The following ME1 variants were observed in gnomAD, a reference collection of about 807,000 sequenced individuals.
ME1 encodes malic enzyme 1.
Under a neutral mutation model 66.4 loss-of-function variants are expected in ME1, and 74 were observed. The observed-to-expected ratio is 1.11, with a 90% CI of 0.92 to 1.35. ME1 has a LOEUF of 1.35. ME1 is among the 40% of genes most tolerant of loss of function. The pLI is 0.00. For missense variants in ME1, 750 were observed against 694.1 expected (o/e 1.08, Z -0.90); for synonymous variants, 251 against 235.6 (o/e 1.07, Z -0.60).
intron 12 of ME1, among the ~76,000 whole-genome samples, chr6:83,222,255 A>C (rs1435148461): frequency 2.6e-5 from 4 of 152,224 alleles, no homozygotes; most frequent in Non-Finnish European, 5.9e-5. Flanking sequence ...AGTTAAAGAA[A>C]ACCTGTGACA....
At chr6:83,411,127 C>G (rs1770041394) in intron 1 of ME1, among the ~76,000 whole-genome samples, 1 of 152,158 alleles carries the variant, frequency 6.6e-6, no homozygotes, top group Admixed American at 6.6e-5. Flanking sequence ...GCCTGTAATC[C>G]CAGCACTTTG....
intron 5 of ME1, among the ~76,000 whole-genome samples, chr6:83,345,153 C>T (rs1768663858): frequency 6.6e-6 from 1 of 152,074 alleles, no homozygotes; most frequent in Non-Finnish European, 1.5e-5. Flanking sequence ...GTACACACCA[C>T]CTCTCCTGGC....
At chr6:83,403,271 A>G (rs1326083571) in intron 2 of ME1, among the ~76,000 whole-genome samples, 1 of 152,172 alleles carries the variant, frequency 6.6e-6, no homozygotes, top group Non-Finnish European at 1.5e-5. Flanking sequence ...GGGTGGTGTC[A>G]TAGTCCATTC....
In ME1 at chr6:83,271,437, C is replaced by T. The variant is rs73749775; in HGVS notation, c.705-17699G>A. Among the ~76,000 whole-genome samples, 868 of 152,150 alleles carry T rather than the reference C, an allele frequency of 5.7e-3. 5 individuals carry two copies. Among genetic ancestry groups the T allele is most frequent in the African/African-American group, 0.019 (774 of 41,532 alleles). On this transcript the variant is annotated intron_variant, in intron 6 of 13. Coordinates refer to ENST00000369705, the MANE Select transcript of ME1 (RefSeq NM_002395.6). ...CTGCAATTGGTTTTTTGAAATTTGGCAATGTTGAATAATAAGCATATGTGG... is the reference window on the plus strand; with the variant it reads ...CTGCAATTGGTTTTTTGAAATTTGGTAATGTTGAATAATAAGCATATGTGG...
intron 6 of ME1, among the ~76,000 whole-genome samples, chr6:83,275,726 A>G (rs1767167336): frequency 7.2e-6 from 1 of 139,106 alleles, no homozygotes; most frequent in African/African-American, 2.7e-5. Context: ...CGGCCTCCCA[A>G]AGTGCTGGGA....
chr6:83,407,706 T>C, intron 2 of ME1, 62 bp downstream of exon 2: 1 of 1,401,704 alleles, frequency 7.1e-7, no homozygotes, highest in African/African-American at 1.5e-5. Flanking sequence ...TCTCACCCAA[T>C]AAAAAATAAA....
rs1444399466 is a variant in ME1 at position 83,253,755 on chromosome 6, T to C, written c.705-17A>G. On this transcript the variant is annotated splice_polypyrimidine_tract_variant and intron_variant, in intron 6 of 13. Transcript: ENST00000369705. ...ATGCCATACCTATGGGACAAAAACA[T>C]TCATATTAGAAGAGGTTAATAAAAT... 2.3e-6 allele frequency: 3 copies of C among 1,295,334 alleles called. No homozygotes were observed. The highest frequency in any genetic ancestry group is 3.4e-6 in the Non-Finnish European group (3 of 894,964). The allele number at this position is 1,295,334 out of a possible 1,614,324, so 80.2% of individuals were successfully genotyped here.
intron 1 of ME1, among the ~76,000 whole-genome samples, chr6:83,424,125 C>A (rs1583429499): frequency 6.7e-6 from 1 of 150,124 alleles, no homozygotes; most frequent in South Asian, 2.1e-4. Flanking sequence ...ATAAACATTA[C>A]ATTAAATTAC....
In ME1 at chr6:83,423,196, C is replaced by CTTT. The variant is rs35067753; in HGVS notation, c.78+7678_78+7680dup. Among the ~76,000 whole-genome samples the CTTT allele has an allele frequency of 6.6e-3, 957 of 144,024 alleles. 7 individuals are homozygous for CTTT. Among genetic ancestry groups the CTTT allele is most frequent in the South Asian group, 0.026 (119 of 4,554 alleles). 94.5% of individuals were successfully genotyped at this position (144,024 alleles called of 152,430 possible). ...GAAAGGGCGGGAGGAAGAGAAATGG[C>CTTT]TTTTTTTTTTTTAGGTCTTAAAGGG... On this transcript the variant is annotated intron_variant, in intron 1 of 13. Coordinates refer to ENST00000369705, the MANE Select transcript of ME1 (RefSeq NM_002395.6).
chr6:83,399,207 G>C (rs1769799024), intron 2 of ME1, among the ~76,000 whole-genome samples: 1 of 151,590 alleles, frequency 6.6e-6, no homozygotes, highest in African/African-American at 2.4e-5. Flanking sequence ...TGTTGGCCAG[G>C]CTGGTCTTGA....
At chr6:83,416,271 T>G (rs1583425588) in intron 1 of ME1, among the ~76,000 whole-genome samples, 1 of 152,350 alleles carries the variant, frequency 6.6e-6, no homozygotes, top group East Asian at 1.9e-4. Flanking sequence ...AAGTGTTATA[T>G]AAATGCTTAT....
At chr6:83,357,902 CCTCTCTCTCT>C (rs1051682306) in intron 3 of ME1, among the ~76,000 whole-genome samples, 65 of 31,550 alleles carry the variant, frequency 2.1e-3, no homozygotes, top group Admixed American at 4.9e-3. Context: ...AATAAACTCC[CCTCTCTCTCT>C]CTCTCTCTCT....
chr6:83,346,060 G>A, intron 5 of ME1, 113 bp downstream of exon 5: 1 of 839,910 alleles, frequency 1.2e-6, no homozygotes, highest in Non-Finnish European at 1.8e-6. Context: ...GAGAGAGAAA[G>A]AGAACCAGAC....
chr6:83,274,937 C>T (rs2128531833), intron 6 of ME1, among the ~76,000 whole-genome samples: 1 of 152,104 alleles, frequency 6.6e-6, no homozygotes, highest in South Asian at 2.1e-4. Context: ...AGGAAATTTC[C>T]AAAAATGCCC....
chr6:83,328,994 T>A (rs1340979482), intron 5 of ME1, among the ~76,000 whole-genome samples: 2 of 152,292 alleles, frequency 1.3e-5, no homozygotes, highest in Middle Eastern at 6.8e-3. Flanking sequence ...TCTGCACCCT[T>A]CAGAATTTAT....
chr6:83,225,206 A>G (rs1036594149), intron 11 of ME1, among the ~76,000 whole-genome samples: 1,685 of 98,578 alleles, frequency 0.017, 4 homozygotes, highest in Non-Finnish European at 0.026. Flanking sequence ...ACTCCATCTC[A>G]AAAAAAAAAA....
At chr6:83,326,754 G>A (rs1768299993) in intron 5 of ME1, among the ~76,000 whole-genome samples, 1 of 152,210 alleles carries the variant, frequency 6.6e-6, no homozygotes, top group African/African-American at 2.4e-5. Flanking sequence ...AGAGGATATG[G>A]AGAAATAGAA....
In ME1 at chr6:83,236,311, A is replaced by G. The variant is rs552064222; in HGVS notation, c.1026+1406T>C. 5.9e-5 allele frequency among the ~76,000 whole-genome samples: 9 copies of G among 152,278 alleles called. No individual in the cohort carries two copies. In the East Asian group the frequency reaches 1.7e-3, roughly 29 times the overall value. ...TACATAAAATACTGTATACATCTCT[A>G]TCTCCATGAGATAGATTCTTTGAAT... On this transcript the variant is annotated intron_variant, in intron 9 of 13. Coordinates refer to ENST00000369705, the MANE Select transcript of ME1 (RefSeq NM_002395.6).
chr6:83,422,102 A>G (rs1770279275), intron 1 of ME1, among the ~76,000 whole-genome samples: 1 of 152,196 alleles, frequency 6.6e-6, no homozygotes, highest in Non-Finnish European at 1.5e-5. Context: ...GAGCAATCCC[A>G]TAAAGTTGTA....
Sources: gnomAD v4.1 joint callset for allele counts (sites outside exome capture counted in the v4.1 genomes callset) on GRCh38, gnomAD v4.1.1 for gene constraint, MANE v1.5 for transcripts, NCBI Gene and HGNC (gene_info 2026-07-23, HGNC 2026-07-21) for gene names.